The following KCNAB2 variants were observed in gnomAD, a reference collection of about 807,000 sequenced individuals.
KCNAB2 encodes voltage-gated potassium channel subunit beta-2.
KCNAB2 carries 29 observed loss-of-function variants against 63.6 expected under a neutral mutation model. The ratio of observed to expected loss-of-function variants is 0.46; its 90% CI spans 0.34 to 0.62. The LOEUF (loss-of-function observed/expected upper bound fraction) is 0.62, where lower values mean the gene tolerates loss of function less well. Ranked by LOEUF, KCNAB2 falls within the 20% of genes least tolerant of loss-of-function variation. The pLI is 0.01. For synonymous variants in KCNAB2, 222 were observed against 224.2 expected, an observed-to-expected ratio of 0.99 and a Z score of 0.09; for missense variants, 359 against 563.9, an observed-to-expected ratio of 0.64 and a Z score of 3.68.
upstream of KCNAB2, among the ~76,000 whole-genome samples, chr1:6,029,339 G>A (rs113593542): frequency 5.3e-5 from 8 of 150,910 alleles, no homozygotes; most frequent in African/African-American, 2.0e-4. Flanking sequence ...AGACAGAGAA[G>A]CCTCCTGACA....
chr1:6,089,211 G>C (rs1447339246), intron 8 of KCNAB2, among the ~76,000 whole-genome samples, 160 bp downstream of exon 8: 2 of 152,242 alleles, frequency 1.3e-5, no homozygotes, highest in Non-Finnish European at 2.9e-5. Flanking sequence ...TTCCACCCAG[G>C]TAGCACAGCG....
chr1:6,010,554 A>G (rs1658090288), intron 1 of KCNAB2, among the ~76,000 whole-genome samples: 1 of 152,260 alleles, frequency 6.6e-6, no homozygotes, highest in African/African-American at 2.4e-5. Context: ...TGGATGAGCC[A>G]CAGCTGTGTC....
intron 1 of KCNAB2, among the ~76,000 whole-genome samples, chr1:6,001,508 G>A (rs1657260369): frequency 6.6e-6 from 1 of 152,152 alleles, no homozygotes; most frequent in Non-Finnish European, 1.5e-5. Flanking sequence ...TTGTTGGAGT[G>A]GCCTGGCCAC....
At position 6,087,595 on chromosome 1, in the gene KCNAB2, C is replaced by T. The variant is rs1034055396; in HGVS notation, c.470+84C>T. 1.4e-6 allele frequency: 2 copies of T among 1,443,358 alleles called. No homozygotes were observed. Among genetic ancestry groups the T allele is most frequent in the African/African-American group, 2.8e-5 (2 of 71,110 alleles). 89.4% of individuals were successfully genotyped at this position (1,443,358 alleles called of 1,614,324 possible). Reference sequence around the variant, plus strand: ...CCCCAGAGACCCCTGACCTAGAAGGCTCCTGGGGTGGCGGGAGGACAGTCC... The same window carrying T: ...CCCCAGAGACCCCTGACCTAGAAGGTTCCTGGGGTGGCGGGAGGACAGTCC... On this transcript the variant is annotated intron_variant, in intron 7 of 15. Transcript: ENST00000378083. This position sits in a 1 kb window ranked among gnomAD's most constrained non-coding sequence, Gnocchi z 6.4.
At chr1:6,020,430 C>A (rs1282377186) in intron 1 of KCNAB2, among the ~76,000 whole-genome samples, 1 of 152,084 alleles carries the variant, frequency 6.6e-6, no homozygotes, top group African/African-American at 2.4e-5. Flanking sequence ...GCCCCCAGCA[C>A]CACCCCTGCT....
intron 1 of KCNAB2, among the ~76,000 whole-genome samples, chr1:6,017,055 C>T (rs569819532): frequency 1.3e-5 from 2 of 152,210 alleles, no homozygotes; most frequent in Admixed American, 6.5e-5. Context: ...GAGACAGTGC[C>T]GAGCTCCGTA....
At chr1:6,020,048 G>A (rs566231009) in intron 1 of KCNAB2, among the ~76,000 whole-genome samples, 67 of 152,262 alleles carry the variant, frequency 4.4e-4, no homozygotes, top group African/African-American at 1.5e-3. Flanking sequence ...GAGGTCTTGC[G>A]GAGGGGGGTC....
At position 6,086,010 on chromosome 1, in the gene KCNAB2, A is replaced by G. The variant is rs934020972; in HGVS notation, c.425+762A>G. ...TCCCAGGAGCCTATGGGCCCTTCCC[A>G]GGCCAAGGTCCTCACCCACCTTGGG... On this transcript the variant is annotated intron_variant, in intron 6 of 15. Coordinates refer to ENST00000378083, the MANE Select transcript of KCNAB2 (RefSeq NM_001199862.2). This position sits in a 1 kb window ranked among gnomAD's most constrained non-coding sequence, Gnocchi z 4.2. The G allele has an allele frequency of 9.1e-6, 9 of 985,356 alleles. No individual in the cohort carries two copies. The highest frequency in any genetic ancestry group is 1.7e-5 in the African/African-American group (1 of 57,234). The allele number at this position is 985,356 out of a possible 1,614,324, so 61.0% of individuals were successfully genotyped here. A position where few individuals can be genotyped will look rare whatever the true frequency, so the allele number is the denominator to read the frequency against.
chr1:6,038,934 A>C (rs1349956603), intron 1 of KCNAB2, among the ~76,000 whole-genome samples: 1 of 152,208 alleles, frequency 6.6e-6, no homozygotes, highest in African/African-American at 2.4e-5. Context: ...ATTTTGGATC[A>C]GGGGTCATTT....
intron 1 of KCNAB2, among the ~76,000 whole-genome samples, chr1:6,048,134 C>A (rs544485297): frequency 6.6e-6 from 1 of 152,306 alleles, no homozygotes; most frequent in African/African-American, 2.4e-5. Context: ...GTGAAGGGGG[C>A]GATTATTCAC....
At position 6,078,447 on chromosome 1, in the gene KCNAB2, G is replaced by C. The variant is rs1303457743; in HGVS notation, c.301-3748G>C. 6.6e-6 allele frequency among the ~76,000 whole-genome samples: 1 copy of C among 152,252 alleles called. No homozygotes were observed. The highest frequency in any genetic ancestry group is 3.4e-3 in the Middle Eastern group (1 of 294). On this transcript the variant is annotated intron_variant, in intron 4 of 15. Transcript: ENST00000378083. The surrounding 1 kb of genome is among the most constrained non-coding windows in gnomAD (Gnocchi z 4.2). ...GAAAGTAGAAAAAGGAGGGCAGGGG[G>C]GCGGGGGTCCTGACGACAGGGTGGT...
intron 1 of KCNAB2, among the ~76,000 whole-genome samples, chr1:6,010,716 G>A (rs1487592780): frequency 6.6e-6 from 1 of 152,222 alleles, no homozygotes; most frequent in Non-Finnish European, 1.5e-5. Context: ...GGGTGGGGTG[G>A]GCCGCCCCAT....
At chr1:6,098,106 CG>C in intron 15 of KCNAB2, 1 of 993,890 alleles carries the variant, frequency 1.0e-6, no homozygotes, top group Non-Finnish European at 1.2e-6. Flanking sequence ...AGTCGGTCCC[CG>C]GGTGTGTCAC....
chr1:6,037,862 G>C (rs568993071), intron 1 of KCNAB2, among the ~76,000 whole-genome samples: 1 of 145,930 alleles, frequency 6.9e-6, no homozygotes, highest in South Asian at 2.2e-4. Context: ...TGCCTGGCCT[G>C]AATGAGGGTC....
chr1:6,005,350 A>T (rs140275113), intron 1 of KCNAB2, among the ~76,000 whole-genome samples: 11 of 730 alleles, frequency 0.015, 3 homozygotes, highest in African/African-American at 0.033. Context: ...GAGTGGGGGG[A>T]TGTGGGAGCT....
intron 8 of KCNAB2, among the ~76,000 whole-genome samples, chr1:6,089,347 C>T (rs561372829): frequency 1.8e-4 from 28 of 152,360 alleles, no homozygotes; most frequent in African/African-American, 6.5e-4. Context: ...TGCCCCATGC[C>T]TCTGCCACAG....
chr1:6,097,413 A>C (rs759558038), intron 15 of KCNAB2, 56 bp downstream of exon 15: 2 of 1,548,322 alleles, frequency 1.3e-6, no homozygotes. Context: ...AGCCCCGTCC[A>C]GTGCATCCTC....
intron 1 of KCNAB2, among the ~76,000 whole-genome samples, chr1:6,013,790 G>A (rs905463): frequency 0.11 from 16,191 of 151,742 alleles, 1,167 homozygotes; most frequent in Non-Finnish European, 0.16. Context: ...GACTCCTGAC[G>A]ACACCCACCC....
At chr1:6,015,916 G>C (rs1443027722) in intron 1 of KCNAB2, among the ~76,000 whole-genome samples, 2 of 152,112 alleles carry the variant, frequency 1.3e-5, no homozygotes, top group Admixed American at 6.5e-5. Flanking sequence ...ATGTTGCCCA[G>C]ACTGGTCTGG....
Sources: gnomAD v4.1 joint callset for allele counts (sites outside exome capture counted in the v4.1 genomes callset) on GRCh38, gnomAD v4.1.1 for gene constraint, Gnocchi (gnomAD v3.1) non-coding constraint, MANE v1.5 for transcripts, NCBI Gene and HGNC (gene_info 2026-07-23, HGNC 2026-07-21) for gene names.